The following PHF21A variants were observed in gnomAD, a reference collection of about 807,000 sequenced individuals.
PHF21A encodes PHD finger protein 21A, also known as BHC80a.
A neutral mutation model predicts 82.5 loss-of-function variants in PHF21A; 11 were observed. That is an observed-to-expected ratio of 0.13 (90% confidence interval 0.08 to 0.22). The LOEUF is 0.22. PHF21A is among the 10% of genes least tolerant of loss of function. The pLI, the probability that PHF21A is intolerant of heterozygous loss-of-function variation, is 1.00. For synonymous variants in PHF21A, 297 were observed against 302.8 expected, an observed-to-expected ratio of 0.98 and a Z score of 0.20; for missense variants, 579 against 837.8, an observed-to-expected ratio of 0.69 and a Z score of 3.81.
intron 7 of PHF21A, among the ~76,000 whole-genome samples, chr11:45,974,630 T>C (rs79995370): frequency 1.3e-5 from 2 of 148,588 alleles, no homozygotes; most frequent in Non-Finnish European, 3.0e-5. Flanking sequence ...ATTTTTTTTA[T>C]TTTTAGTAGA....
intron 6 of PHF21A, among the ~76,000 whole-genome samples, chr11:45,984,009 A>G (rs1160317521): frequency 1.3e-5 from 2 of 152,148 alleles, no homozygotes; most frequent in African/African-American, 2.4e-5. Flanking sequence ...ATGATTTGAT[A>G]TTTTCAAAGG....
intron 6 of PHF21A, among the ~76,000 whole-genome samples, chr11:46,073,189 G>A (rs184226295): frequency 7.2e-5 from 11 of 152,052 alleles, no homozygotes; most frequent in Admixed American, 1.3e-4. Context: ...TTGGCCAGGC[G>A]TGGTGGCGGG....
intron 15 of PHF21A, among the ~76,000 whole-genome samples, chr11:45,938,755 T>C (rs1420345263): frequency 1.3e-5 from 2 of 152,172 alleles, no homozygotes; most frequent in Non-Finnish European, 2.9e-5. Flanking sequence ...CAAAACATCT[T>C]AATATTTTCA....
chr11:46,038,189 C>T (rs2096056648), intron 6 of PHF21A, among the ~76,000 whole-genome samples: 1 of 151,700 alleles, frequency 6.6e-6, no homozygotes, highest in African/African-American at 2.4e-5. Flanking sequence ...TGCAGTGGCA[C>T]AATCTCAGCT....
chr11:46,069,037 CAAG>C (rs767547750), intron 6 of PHF21A, among the ~76,000 whole-genome samples: 10 of 152,156 alleles, frequency 6.6e-5, no homozygotes, highest in Non-Finnish European at 1.0e-4. Context: ...AATCACACTC[CAAG>C]AAGACAGGTA....
intron 7 of PHF21A, among the ~76,000 whole-genome samples, chr11:45,978,288 G>A (rs2094132746): frequency 6.6e-6 from 1 of 152,066 alleles, no homozygotes; most frequent in South Asian, 2.1e-4. Flanking sequence ...GTGACACAGT[G>A]AGACTCCGTC....
chr11:46,019,397 C>T (rs918879783), intron 6 of PHF21A, among the ~76,000 whole-genome samples: 1 of 152,116 alleles, frequency 6.6e-6, no homozygotes, highest in Admixed American at 6.5e-5. Context: ...ATGTACACCA[C>T]GCCAAAAAAT....
At chr11:46,114,979 T>C (rs933036630) in intron 1 of PHF21A, among the ~76,000 whole-genome samples, 1 of 152,192 alleles carries the variant, frequency 6.6e-6, no homozygotes, top group African/African-American at 2.4e-5. Flanking sequence ...TTAGGCCTCA[T>C]CCCCTTCCTA....
At chr11:46,057,441 C>T (rs545983257) in intron 6 of PHF21A, among the ~76,000 whole-genome samples, 1 of 152,176 alleles carries the variant, frequency 6.6e-6, no homozygotes, top group South Asian at 2.1e-4. Flanking sequence ...AGCATTAGGG[C>T]TTAATTTTCC....
rs2087516176 is a variant in PHF21A, at chr11:45,929,987, T to C, written c.*3981A>G. Reference sequence around the variant, plus strand: ...CCTCCACTCAACAGAAGCCACGGGATCTGGAGAACCCAGGCCCTGGAAAAT... The same window carrying C: ...CCTCCACTCAACAGAAGCCACGGGACCTGGAGAACCCAGGCCCTGGAAAAT... On this transcript the variant is annotated 3_prime_UTR_variant, in exon 19 of 19. Transcript: ENST00000676320. 6.6e-6 allele frequency: 1 copy of C among 152,186 alleles called. No homozygotes were observed. Among genetic ancestry groups the C allele is most frequent in the Non-Finnish European group, 1.5e-5 (1 of 68,060 alleles). The allele number at this position is 152,186 out of a possible 1,614,324, so 9.4% of individuals were successfully genotyped here.
intron 18 of PHF21A, chr11:45,934,456 G>T: frequency 1.9e-6 from 1 of 526,866 alleles, no homozygotes. Flanking sequence ...GCAACAGAGG[G>T]AGAAAGAGCA....
chr11:45,938,994 C>T (rs983356243), intron 15 of PHF21A, among the ~76,000 whole-genome samples: 1 of 152,108 alleles, frequency 6.6e-6, no homozygotes, highest in Non-Finnish European at 1.5e-5. Context: ...CCACCACCCC[C>T]GACTAATTTT....
chr11:46,076,825 T>G lies in PHF21A; in HGVS notation c.88-6A>C. On this transcript the variant is annotated splice_region_variant and splice_polypyrimidine_tract_variant and intron_variant, in intron 5 of 18. Coordinates refer to ENST00000676320, the MANE Select transcript of PHF21A (RefSeq NM_001352027.3). ...TGTTTCTTTAAGTCAGCATTCTGAT[T>G]GGAAAGAAAAAATATCTGTGAGAAA... 5 of 1,608,874 alleles carry G rather than the reference T, an allele frequency of 3.1e-6. 1 individual carries two copies. In the South Asian group the frequency reaches 5.5e-5, roughly 18 times the overall value.
chr11:46,053,536 T>G (rs1287065498), intron 6 of PHF21A, among the ~76,000 whole-genome samples: 1 of 151,996 alleles, frequency 6.6e-6, no homozygotes. Flanking sequence ...CTTCATTATA[T>G]ATATAATTAT....
intron 6 of PHF21A, among the ~76,000 whole-genome samples, chr11:46,065,111 C>A (rs2096579247): frequency 6.6e-6 from 1 of 152,124 alleles, no homozygotes; most frequent in Non-Finnish European, 1.5e-5. Flanking sequence ...TCTTCTCCAC[C>A]CTTTCTCTTC....
intron 6 of PHF21A, among the ~76,000 whole-genome samples, chr11:46,011,586 A>C (rs1394801085): frequency 8.5e-5 from 13 of 152,312 alleles, no homozygotes; most frequent in Non-Finnish European, 5.9e-5. Flanking sequence ...GGATTTCAAG[A>C]CATGTCCCAC....
chr11:45,948,496 C>A (rs2091627930), intron 14 of PHF21A, among the ~76,000 whole-genome samples: 1 of 152,204 alleles, frequency 6.6e-6, no homozygotes, highest in South Asian at 2.1e-4. Context: ...TTGCCGGCAG[C>A]AGGACAACCA....
chr11:45,968,500 T>C (rs527391479), intron 9 of PHF21A, among the ~76,000 whole-genome samples: 27 of 152,350 alleles, frequency 1.8e-4, no homozygotes, highest in African/African-American at 6.0e-4. Context: ...ACTACATACA[T>C]GTTCTGTCCT....
At chr11:45,998,819 C>CT (rs1370350391) in intron 6 of PHF21A, among the ~76,000 whole-genome samples, 1 of 122,032 alleles carries the variant, frequency 8.2e-6, no homozygotes, top group Admixed American at 8.0e-5. Context: ...CACACCCGGC[C>CT]TTTTTTTGTT....
Sources: allele counts gnomAD v4.1 joint callset (sites outside exome capture counted in the v4.1 genomes callset), GRCh38; gene constraint gnomAD v4.1.1; transcripts MANE v1.5; gene names NCBI Gene and HGNC (gene_info 2026-07-23, HGNC 2026-07-21).